Variants in HERPUD1 observed in about 807,000 individuals in gnomAD.
HERPUD1 encodes homocysteine-responsive endoplasmic reticulum-resident ubiquitin-like domain member 1 protein.
A neutral mutation model predicts 45.0 loss-of-function variants in HERPUD1; 17 were observed. The ratio of observed to expected loss-of-function variants is 0.38; its 90% CI spans 0.26 to 0.57. HERPUD1 has a LOEUF of 0.57. Ranked by LOEUF, HERPUD1 falls within the 20% of genes least tolerant of loss-of-function variation. The pLI is 0.72. For synonymous variants in HERPUD1, 164 were observed against 177.5 expected, an observed-to-expected ratio of 0.92 and a Z score of 0.61; for missense variants, 420 against 490.5, an observed-to-expected ratio of 0.86 and a Z score of 1.36.
intron 4 of HERPUD1, among the ~76,000 whole-genome samples, chr16:56,938,145 A>G (rs573056647): frequency 6.6e-6 from 1 of 152,244 alleles, no homozygotes; most frequent in East Asian, 1.9e-4. Context: ...TCTTTGGGCA[A>G]TTCTATTATG....
Position 56,943,629 on chromosome 16 carries a change from G to A in HERPUD1, c.*339G>A, listed in dbSNP as rs1296147297. On this transcript the variant is annotated 3_prime_UTR_variant, in exon 8 of 8. Coordinates refer to ENST00000439977, the MANE Select transcript of HERPUD1 (RefSeq NM_014685.4). ...GTGTCTGCATGTGTGTTTGTACATAGAAGTCATAGATGCAGAAGTGGTTCT... is the reference window on the plus strand; with the variant it reads ...GTGTCTGCATGTGTGTTTGTACATAAAAGTCATAGATGCAGAAGTGGTTCT... 2.3e-6 allele frequency: 1 copy of A among 430,804 alleles called. No individual in the cohort carries two copies. Among genetic ancestry groups the A allele is most frequent in the Non-Finnish European group, 4.4e-6 (1 of 229,500 alleles). 26.7% of individuals were successfully genotyped at this position (430,804 alleles called of 1,614,324 possible).
rs114139904 is a variant in HERPUD1 at position 56,939,499 on chromosome 16, T to G, written c.554+140T>G. 2.2e-3 allele frequency: 2,425 copies of G among 1,112,248 alleles called. 18 individuals are homozygous for G. Among genetic ancestry groups the G allele is most frequent in the African/African-American group, 0.019 (1,241 of 64,352 alleles). 68.9% of individuals were successfully genotyped at this position (1,112,248 alleles called of 1,614,324 possible). ...GCAGAGCCCTGCTCTGTTTGGTCTG[T>G]GGGTAGAGTGTAAATGACAGCTGCT... is the stretch of plus-strand genomic sequence containing the variant. On this transcript the variant is annotated intron_variant, in intron 5 of 7. Transcript: ENST00000439977.
intron 6 of HERPUD1, chr16:56,941,233 T>C (rs1399758234): frequency 4.6e-5 from 7 of 152,238 alleles, no homozygotes; most frequent in Admixed American, 3.9e-4. Context: ...CACTGACTGT[T>C]AGCATGGCCC....
intron 7 of HERPUD1, among the ~76,000 whole-genome samples, chr16:56,942,913 T>A (rs1304935199): frequency 6.6e-6 from 1 of 152,130 alleles, no homozygotes; most frequent in Non-Finnish European, 1.5e-5. Flanking sequence ...CAGTCAAAAC[T>A]ATGACAACAT....
chr16:56,943,316 G>A lies in HERPUD1; in HGVS notation c.*26G>A, dbSNP rs2055926146. ...TGGTGTTTGTGCTGTAGCTGTTGGA[G>A]GCTTTGACAGGAATGGACTGGATCA... On this transcript the variant is annotated 3_prime_UTR_variant, in exon 8 of 8. Coordinates refer to ENST00000439977, the MANE Select transcript of HERPUD1 (RefSeq NM_014685.4). The A allele has an allele frequency of 1.9e-6, 3 of 1,613,864 alleles. No individual in the cohort carries two copies. The highest frequency in any genetic ancestry group is 1.7e-6 in the Non-Finnish European group (2 of 1,179,818).
intron 6 of HERPUD1, 188 bp from the exon 7 acceptor site, chr16:56,941,944 C>T (rs1295517685): frequency 3.6e-6 from 2 of 548,434 alleles, no homozygotes; most frequent in Non-Finnish European, 6.5e-6. Context: ...AAACACAGTC[C>T]CTGCCTTCAA....
chr16:56,943,289 G>A lies in HERPUD1; in HGVS notation c.1175G>A (p.Ter392=). The part of the protein sequence containing the change: ...LPEGPPAIAN[*] ...GAAGGCCCCCCAGCCATCGCAAACTGATGGTGTTTGTGCTGTAGCTGTTGG... is the reference window on the plus strand; with the variant it reads ...GAAGGCCCCCCAGCCATCGCAAACTAATGGTGTTTGTGCTGTAGCTGTTGG... The change falls in exon 8 of 8, where the codon TGA becomes TAA. Residue 392 remains the stop codon, a stop_retained_variant. Transcript: ENST00000439977. The A allele has an allele frequency of 6.2e-7, 1 of 1,614,062 alleles. No individual in the cohort carries two copies. Among genetic ancestry groups the A allele is most frequent in the Non-Finnish European group, 8.5e-7 (1 of 1,180,030 alleles).
At chr16:56,936,649 C>T in intron 3 of HERPUD1, 38 bp from the exon 4 acceptor site, 1 of 1,516,116 alleles carries the variant, frequency 6.6e-7, no homozygotes, top group South Asian at 1.4e-5. Flanking sequence ...ACAGTTGCAT[C>T]AGCTCCTTTG....
intron 4 of HERPUD1, among the ~76,000 whole-genome samples, chr16:56,938,562 C>CAA (rs35730351): frequency 7.3e-6 from 1 of 136,078 alleles, no homozygotes. Context: ...GACTCCATCT[C>CAA]AAAAAAAAAA....
intron 4 of HERPUD1, among the ~76,000 whole-genome samples, chr16:56,937,661 A>G (rs1730694385): frequency 1.3e-5 from 2 of 151,138 alleles, no homozygotes; most frequent in African/African-American, 4.9e-5. Flanking sequence ...CCCAGGCATC[A>G]TGTTATTTCA....
chr16:56,932,473 T>A (rs1454330691), intron 1 of HERPUD1, 82 bp downstream of exon 1: 4 of 1,258,914 alleles, frequency 3.2e-6, no homozygotes, highest in Non-Finnish European at 4.3e-6. Flanking sequence ...TGCCCTGTCC[T>A]GTGGCCTCCT....
In HERPUD1 at chr16:56,940,216, G is replaced by C; in HGVS notation, c.876G>C (p.Met292Ile). ...YFYSSLSRFLMVMGATVVMYL... is the reference protein window; with the variant it reads ...YFYSSLSRFLIVMGATVVMYL... ...ACTCCTCCCTGAGCAGATTCCTCAT[G>C]GTCATGGGGGCCACCGTTGTTATGT... The change falls in exon 6 of 8, where the codon ATG becomes ATC. Residue 292 changes from methionine (M) to isoleucine (I), a missense_variant. By Grantham distance (10) the Met-to-Ile change is conservative (BLOSUM62 1). Coordinates refer to ENST00000439977, the MANE Select transcript of HERPUD1 (RefSeq NM_014685.4). The C allele has an allele frequency of 6.2e-7, 1 of 1,613,492 alleles. No homozygotes were observed.
intron 5 of HERPUD1, 120 bp downstream of exon 5, chr16:56,939,479 G>A: frequency 7.8e-7 from 1 of 1,287,522 alleles, no homozygotes; most frequent in Non-Finnish European, 1.1e-6. Context: ...AGTCTGCAGA[G>A]CCCTGCTCTG....
chr16:56,940,218 T>A lies in HERPUD1; in HGVS notation c.878T>A (p.Val293Asp). Residue 293 changes from valine to aspartate, a missense_variant, in exon 6 of 8, where the codon GTC becomes GAC. Transcript: ENST00000439977. Reference sequence around the variant, plus strand: ...TCCTCCCTGAGCAGATTCCTCATGGTCATGGGGGCCACCGTTGTTATGTAC... The same window carrying A: ...TCCTCCCTGAGCAGATTCCTCATGGACATGGGGGCCACCGTTGTTATGTAC... ...FYSSLSRFLM[V>D]MGATVVMYLH... is the part of the protein sequence containing the mutation. The A allele has an allele frequency of 6.2e-7, 1 of 1,613,190 alleles. No homozygotes were observed.
At position 56,932,308 on chromosome 16, in the gene HERPUD1, C is replaced by T. The variant is rs144691131; in HGVS notation, c.64C>T (p.Arg22Cys). 1 of 1,608,298 alleles carries T rather than the reference C, an allele frequency of 6.2e-7. No homozygotes were observed. Among genetic ancestry groups the T allele is most frequent in the South Asian group, 1.1e-5 (1 of 90,818 alleles). ...LLVKSPNQRH[R>C]DLELSGDRGW... Reference sequence around the variant, plus strand: ...GGTGAAGAGCCCCAACCAGCGCCACCGCGACTTGGAGCTGAGTGGCGACCG... The same window carrying T: ...GGTGAAGAGCCCCAACCAGCGCCACTGCGACTTGGAGCTGAGTGGCGACCG... The change falls in exon 1 of 8, where the codon CGC (arginine) becomes TGC (cysteine). Residue 22 changes from arginine (R) to cysteine (C), a missense_variant. Arg to Cys is a radical substitution (Grantham distance 180, BLOSUM62 -3). Coordinates refer to ENST00000439977, the MANE Select transcript of HERPUD1 (RefSeq NM_014685.4).
intron 3 of HERPUD1, 51 bp downstream of exon 3, chr16:56,935,526 G>C (rs768880477): frequency 1.4e-6 from 2 of 1,446,772 alleles, no homozygotes; most frequent in Admixed American, 3.3e-5. Context: ...CAGACTTTCA[G>C]GGGAGTAATA....
At chr16:56,938,276 G>T (rs1439105144) in intron 4 of HERPUD1, among the ~76,000 whole-genome samples, 5 of 152,162 alleles carry the variant, frequency 3.3e-5, no homozygotes, top group African/African-American at 1.2e-4. Flanking sequence ...AAAGAAGCAT[G>T]CATTTGGCCG....
intron 6 of HERPUD1, chr16:56,940,495 C>T (rs757598851): frequency 6.8e-5 from 27 of 395,274 alleles, no homozygotes; most frequent in African/African-American, 2.5e-4. Context: ...CTAGTAGAGA[C>T]GGGGTTTGGT....
Position 56,935,486 on chromosome 16 carries a change from CT to C in HERPUD1, c.300+12del. ...GAAATCAACGCCAAGGTGTGTCTGC[CT>C]CTTCATGATGGTAACAATTTGTATC... On this transcript the variant is annotated intron_variant, in intron 3 of 7. Coordinates refer to ENST00000439977, the MANE Select transcript of HERPUD1 (RefSeq NM_014685.4). 1 of 1,608,546 alleles carries C rather than the reference CT, an allele frequency of 6.2e-7. No homozygotes were observed.
Sources: allele counts gnomAD v4.1 joint callset (sites outside exome capture counted in the v4.1 genomes callset), GRCh38; gene constraint gnomAD v4.1.1; transcripts MANE v1.5; gene names NCBI Gene and HGNC (gene_info 2026-07-23, HGNC 2026-07-21).